CNTN4: variants seen among roughly 807,000 people sequenced by gnomAD.
CNTN4 encodes the protein contactin 4.
A neutral mutation model predicts 122.5 loss-of-function variants in CNTN4; 77 were observed. The ratio of observed to expected loss-of-function variants is 0.63; its 90% CI spans 0.52 to 0.76. CNTN4 has a LOEUF of 0.76. Ranked by LOEUF, CNTN4 falls within the 30% of genes least tolerant of loss-of-function variation. The pLI is 0.00. For missense variants in CNTN4, 1,256 were observed against 1,259.1 expected (o/e 1.00, Z 0.04); for synonymous variants, 512 against 447.0 (o/e 1.15, Z -1.83).
intron 2 of CNTN4, among the ~76,000 whole-genome samples, chr3:2,103,248 G>A (rs968627321): frequency 7.1e-5 from 10 of 141,812 alleles, no homozygotes; most frequent in Middle Eastern, 7.6e-3. Flanking sequence ...TTTTACTTTT[G>A]CCTATATATA....
intron 3 of CNTN4, among the ~76,000 whole-genome samples, chr3:2,342,686 G>T (rs1391866348): frequency 6.6e-6 from 1 of 152,196 alleles, no homozygotes; most frequent in Non-Finnish European, 1.5e-5. Context: ...TCTTCCTGCT[G>T]CCATGTGAAG....
chr3:2,666,827 G>A (rs1053886561), intron 4 of CNTN4, among the ~76,000 whole-genome samples: 60 of 145,836 alleles, frequency 4.1e-4, no homozygotes, highest in Non-Finnish European at 6.7e-4. Context: ...ACCTATGAGT[G>A]CGAACACACG....
chr3:2,360,553 G>T (rs2045088951), intron 3 of CNTN4, among the ~76,000 whole-genome samples: 1 of 152,118 alleles, frequency 6.6e-6, no homozygotes, highest in African/African-American at 2.4e-5. Flanking sequence ...CCGAGACTGG[G>T]TAATTTATAA....
At chr3:2,386,773 A>C (rs1278314139) in intron 3 of CNTN4, among the ~76,000 whole-genome samples, 5 of 152,210 alleles carry the variant, frequency 3.3e-5, no homozygotes, top group African/African-American at 4.8e-5. Flanking sequence ...AAATTATTTG[A>C]GATGAGTTAT....
At chr3:2,706,058 A>G (rs2149299527) in intron 4 of CNTN4, among the ~76,000 whole-genome samples, 1 of 146,782 alleles carries the variant, frequency 6.8e-6, no homozygotes, top group South Asian at 2.1e-4. Context: ...ACATATATAT[A>G]TAGGCTTTTA....
intron 4 of CNTN4, among the ~76,000 whole-genome samples, chr3:2,637,874 T>C (rs1411087588): frequency 6.6e-6 from 1 of 152,144 alleles, no homozygotes. Flanking sequence ...CTTCATCGAA[T>C]GCCTAATCTA....
chr3:2,381,554 T>C (rs1346645455), intron 3 of CNTN4, among the ~76,000 whole-genome samples: 2 of 152,174 alleles, frequency 1.3e-5, no homozygotes, highest in African/African-American at 4.8e-5. Flanking sequence ...TCAAAAGATA[T>C]AAAATATGTA....
At chr3:2,242,540 G>A (rs935543) in intron 2 of CNTN4, among the ~76,000 whole-genome samples, 15,972 of 152,102 alleles carry the variant, frequency 0.11, 1,251 homozygotes, top group African/African-American at 0.22. Context: ...CAGTTCTCCA[G>A]TGAGTTCATA....
At chr3:2,911,625 A>G (rs1213541417) in intron 12 of CNTN4, among the ~76,000 whole-genome samples, 1 of 152,202 alleles carries the variant, frequency 6.6e-6, no homozygotes, top group Non-Finnish European at 1.5e-5. Context: ...AAGAATTCTA[A>G]TTATTCTCAT....
intron 2 of CNTN4, among the ~76,000 whole-genome samples, chr3:2,194,030 C>A (rs2037716714): frequency 6.6e-6 from 1 of 152,200 alleles, no homozygotes; most frequent in South Asian, 2.1e-4. Context: ...CTTTTCAGTT[C>A]AATGAAGTTA....
At chr3:2,953,031 G>A (rs1344593549) in intron 13 of CNTN4, among the ~76,000 whole-genome samples, 1 of 152,104 alleles carries the variant, frequency 6.6e-6, no homozygotes, top group Non-Finnish European at 1.5e-5. Context: ...TAACTTAATC[G>A]TAGACATAGA....
Position 2,736,310 on chromosome 3 carries a change from G to C in CNTN4, c.151G>C (p.Glu51Gln), listed in dbSNP as rs968013770. ...SEEKKVKLNC[E>Q]VKGNPKPHIR... Reference sequence around the variant, plus strand: ...GGAGAAAAAAGTGAAGCTCAATTGTGAAGTTAAAGGAAATCCAAAACCTCA... The same window carrying C: ...GGAGAAAAAAGTGAAGCTCAATTGTCAAGTTAAAGGAAATCCAAAACCTCA... The change falls in exon 5 of 25, where the codon GAA becomes CAA. Residue 51 changes from glutamate to glutamine, a missense_variant. Glu to Gln is a conservative substitution (Grantham distance 29). Coordinates refer to ENST00000418658, the MANE Select transcript of CNTN4 (RefSeq NM_175607.3). 5.6e-6 allele frequency: 9 copies of C among 1,613,722 alleles called. No individual in the cohort carries two copies. The highest frequency in any genetic ancestry group is 4.5e-5 in the East Asian group (2 of 44,808).
chr3:2,341,141 T>C (rs1434065200), intron 3 of CNTN4, among the ~76,000 whole-genome samples: 4 of 152,194 alleles, frequency 2.6e-5, no homozygotes, highest in Non-Finnish European at 4.4e-5. Context: ...GAATATTCTT[T>C]CTTTCCATCT....
At chr3:2,822,027 A>G (rs999570920) in intron 7 of CNTN4, among the ~76,000 whole-genome samples, 2 of 152,262 alleles carry the variant, frequency 1.3e-5, no homozygotes, top group African/African-American at 4.8e-5. Context: ...TACTTCAAGC[A>G]TCCTGAATAC....
chr3:2,203,470 T>C (rs1436443134), intron 2 of CNTN4, among the ~76,000 whole-genome samples: 3 of 151,948 alleles, frequency 2.0e-5, no homozygotes, highest in African/African-American at 7.3e-5. Flanking sequence ...CTGGGAGAAA[T>C]AGATGCTTAA....
intron 23 of CNTN4, among the ~76,000 whole-genome samples, chr3:3,048,439 T>C (rs1351660294): frequency 2.0e-5 from 3 of 152,130 alleles, no homozygotes; most frequent in Non-Finnish European, 4.4e-5. Flanking sequence ...ATTTTGGTAT[T>C]TTAGGGAGGT....
At position 2,854,268 on chromosome 3, in the gene CNTN4, C is replaced by CTTTTTTTTTTT. The variant is rs56147510; in HGVS notation, c.455-12473_455-12463dup. ...TGGCATTTTATTTTTCTTTCTTCTT[C>CTTTTTTTTTTT]TTTTTTTTTTTTTTTTTTTTTGAGA... On this transcript the variant is annotated intron_variant, in intron 7 of 24. Coordinates refer to ENST00000418658, the MANE Select transcript of CNTN4 (RefSeq NM_175607.3). Among the ~76,000 whole-genome samples, 49 of 90,040 alleles carry CTTTTTTTTTTT rather than the reference C, an allele frequency of 5.4e-4. 1 individual carries two copies. Among genetic ancestry groups the CTTTTTTTTTTT allele is most frequent in the South Asian group, 8.6e-4 (2 of 2,316 alleles). 59.1% of individuals were successfully genotyped at this position (90,040 alleles called of 152,430 possible). A position where few individuals can be genotyped will look rare whatever the true frequency, so the allele number is the denominator to read the frequency against.
At chr3:2,208,821 C>T (rs1445126467) in intron 2 of CNTN4, among the ~76,000 whole-genome samples, 1 of 152,156 alleles carries the variant, frequency 6.6e-6, no homozygotes, top group Admixed American at 6.6e-5. Flanking sequence ...AAGATTACAA[C>T]TCACTGAAGG....
At chr3:2,810,158 T>C (rs1306608325) in intron 6 of CNTN4, among the ~76,000 whole-genome samples, 2 of 152,304 alleles carry the variant, frequency 1.3e-5, no homozygotes, top group East Asian at 3.9e-4. Context: ...CGGATTCTAA[T>C]CTAAGCTCTT....
Sources: allele counts gnomAD v4.1 joint callset (sites outside exome capture counted in the v4.1 genomes callset), GRCh38; gene constraint gnomAD v4.1.1; transcripts MANE v1.5; gene names NCBI Gene and HGNC (gene_info 2026-07-23, HGNC 2026-07-21).